UROC1: variants seen among roughly 807,000 people sequenced by gnomAD.
The protein encoded by UROC1 is urocanate hydratase.
Under a neutral mutation model 89.5 loss-of-function variants are expected in UROC1, and 79 were observed. That is an observed-to-expected ratio of 0.88 (90% CI 0.74 to 1.06). The LOEUF is 1.06. Among genes scored for constraint, UROC1 ranks in the 50% least tolerant of loss-of-function variants. UROC1 has a pLI of 0.00. For missense variants in UROC1, 885 were observed against 907.8 expected, an observed-to-expected ratio of 0.97 and a Z score of 0.32; for synonymous variants, 361 against 354.8, an observed-to-expected ratio of 1.02 and a Z score of -0.20.
chr3:126,495,929 G>T, intron 15 of UROC1, 109 bp downstream of exon 15: 1 of 1,108,352 alleles, frequency 9.0e-7, no homozygotes, highest in Non-Finnish European at 1.3e-6. Flanking sequence ...TCAGGGCTTG[G>T]CAAGCTGGAG....
Position 126,498,078 on chromosome 3 carries a change from CAG to C in UROC1, c.1409_1410del (p.Ser470CysfsTer8). ...DLAVTDELAT[S>X]VLEEAIADGV... is the part of the protein sequence containing the mutation. ...CCATCAGCAATGGCTTCCTCCAGCA[CAG>C]ATGTGGCCAGTTCGTCTGTGACCGC... is the stretch of plus-strand genomic sequence containing the variant. On this transcript the variant is annotated frameshift_variant, in exon 14 of 20. Transcript: ENST00000290868. LOFTEE classifies it high-confidence loss of function. The C allele has an allele frequency of 6.2e-7, 1 of 1,614,146 alleles. No individual in the cohort carries two copies.
chr3:126,513,129 G>C (rs1936228868), intron 1 of UROC1, among the ~76,000 whole-genome samples: 1 of 145,464 alleles, frequency 6.9e-6, no homozygotes, highest in South Asian at 2.2e-4. Flanking sequence ...TCAGCCCACA[G>C]AGCAGGGTGT....
At position 126,508,085 on chromosome 3, in the gene UROC1, G is replaced by A; in HGVS notation, c.422C>T (p.Thr141Ile). 1.9e-6 allele frequency: 3 copies of A among 1,613,868 alleles called. No individual in the cohort carries two copies. The highest frequency in any genetic ancestry group is 2.5e-6 in the Non-Finnish European group (3 of 1,180,010). The change falls in exon 5 of 20, where the codon ACC (threonine) becomes ATC (isoleucine). Residue 141 changes from threonine to isoleucine, a missense_variant. Coordinates refer to ENST00000290868, the MANE Select transcript of UROC1 (RefSeq NM_144639.3). ...VFSNWAQFWL[T>I]MFYLSKMTEE... ...TGTCATCTTCGACAAGTAGAACATG[G>A]TCAGCCAGAACTGGGGGAAGAGCAG...
Position 126,500,724 on chromosome 3 carries a change from A to C in UROC1, c.1116T>G (p.Pro372=). 6.2e-7 allele frequency: 1 copy of C among 1,614,080 alleles called. No individual in the cohort carries two copies. Among genetic ancestry groups the C allele is most frequent in the Non-Finnish European group, 8.5e-7 (1 of 1,180,018 alleles). ...CCTGGACCAGGTCCTTGAACACAGCAGGGTTGGAGGCCATGAGGCTCTGGG... is the reference window on the plus strand; with the variant it reads ...CCTGGACCAGGTCCTTGAACACAGCCGGGTTGGAGGCCATGAGGCTCTGGG... ...TEAQSLMASN[P]AVFKDLVQES... The change falls in exon 11 of 20, where the codon CCT becomes CCG. Residue 372 remains proline, a synonymous_variant. Transcript: ENST00000290868.
intron 18 of UROC1, among the ~76,000 whole-genome samples, chr3:126,487,376 G>T (rs1257294939): frequency 6.6e-6 from 1 of 152,252 alleles, no homozygotes; most frequent in Non-Finnish European, 1.5e-5. Context: ...TATAGCCCCT[G>T]TGTTGGAAAG....
In UROC1 at chr3:126,496,077, G is replaced by A. The variant is rs767173592; in HGVS notation, c.1470C>T (p.Asp490=). ...VKVSVKLQYM[D]NIRWIREAAR... is the part of the protein sequence containing the mutation. Reference sequence around the variant, plus strand: ...CGGCCTCCCGGATCCAGCGGATGTTGTCCATGTACTGCAGCTTCACAGACA... The same window carrying A: ...CGGCCTCCCGGATCCAGCGGATGTTATCCATGTACTGCAGCTTCACAGACA... Residue 490 remains aspartate (D), a synonymous_variant, in exon 15 of 20, where the codon GAC becomes GAT. Coordinates refer to ENST00000290868, the MANE Select transcript of UROC1 (RefSeq NM_144639.3). 1.5e-5 allele frequency: 25 copies of A among 1,613,314 alleles called. 1 individual carries two copies. In the South Asian group the frequency reaches 2.7e-4, roughly 18 times the overall value.
chr3:126,491,705 G>A (rs1016386482), intron 16 of UROC1, among the ~76,000 whole-genome samples: 2 of 152,220 alleles, frequency 1.3e-5, no homozygotes, highest in Non-Finnish European at 2.9e-5. Flanking sequence ...AGAGCCCCTC[G>A]GAGCAAGCAT....
At chr3:126,507,026 C>A (rs1936077573) in intron 6 of UROC1, among the ~76,000 whole-genome samples, 1 of 152,054 alleles carries the variant, frequency 6.6e-6, no homozygotes, top group South Asian at 2.1e-4. Flanking sequence ...TTGCAGTGAG[C>A]CGAGATCACA....
intron 10 of UROC1, 73 bp from the exon 11 acceptor site, chr3:126,500,947 G>A (rs1307774654): frequency 7.6e-6 from 12 of 1,577,832 alleles, no homozygotes; most frequent in Admixed American, 1.7e-5. Context: ...AGCCAGGTGG[G>A]GACCCTAGCA....
At chr3:126,499,959 TG>T in intron 12 of UROC1, 97 bp downstream of exon 12, 1 of 1,225,888 alleles carries the variant, frequency 8.2e-7, no homozygotes, top group Non-Finnish European at 1.2e-6. Flanking sequence ...GGGCCACCCA[TG>T]GCACCTCCGA....
rs1576729891 is a variant in UROC1, at chr3:126,509,784, G to A, written c.258-106C>T. On this transcript the variant is annotated intron_variant, in intron 2 of 19. Transcript: ENST00000290868. ...GCTCAGGCAAGGATAGCCGGACACGGGGCCTGCAGAACTAGCTAGGAACGT... is the reference window on the plus strand; with the variant it reads ...GCTCAGGCAAGGATAGCCGGACACGAGGCCTGCAGAACTAGCTAGGAACGT... 3.9e-5 allele frequency: 42 copies of A among 1,067,410 alleles called. No individual in the cohort carries two copies. In the East Asian group the frequency reaches 1.1e-3, roughly 27 times the overall value. The allele number at this position is 1,067,410 out of a possible 1,614,324, so 66.1% of individuals were successfully genotyped here.
At chr3:126,507,828 A>C in intron 5 of UROC1, 25 bp from the exon 6 acceptor site, 4 of 1,614,048 alleles carry the variant, frequency 2.5e-6, no homozygotes, top group Non-Finnish European at 3.4e-6. Context: ...GGGGGCAGAC[A>C]GAGGGGCTGA....
Position 126,504,184 on chromosome 3 carries a change from G to A in UROC1, c.814-101C>T, listed in dbSNP as rs560798754. The stretch of plus-strand genomic sequence containing the variant: ...ACTAGGAAGGTGTCATCCCCTGTAG[G>A]TCCCTTGCTTTTCTATAACACAGTC... On this transcript the variant is annotated intron_variant, in intron 8 of 19. Coordinates refer to ENST00000290868, the MANE Select transcript of UROC1 (RefSeq NM_144639.3). 1.1e-5 allele frequency: 13 copies of A among 1,209,436 alleles called. No homozygotes were observed. In the Admixed American group the frequency reaches 2.2e-4, roughly 20 times the overall value. The allele number at this position is 1,209,436 out of a possible 1,614,324, so 74.9% of individuals were successfully genotyped here.
chr3:126,498,397 G>A (rs1334565686), intron 13 of UROC1, among the ~76,000 whole-genome samples: 1 of 152,170 alleles, frequency 6.6e-6, no homozygotes, highest in Non-Finnish European at 1.5e-5. Context: ...TCTAGCTACA[G>A]GAGTGGGGAG....
chr3:126,509,494 T>C (rs1282070241), intron 3 of UROC1, 91 bp downstream of exon 3: 3 of 1,231,942 alleles, frequency 2.4e-6, no homozygotes, highest in Non-Finnish European at 3.5e-6. Context: ...TCTATAATTA[T>C]CTCAAAATTA....
chr3:126,500,109 C>T lies in UROC1; in HGVS notation c.1191G>A (p.Lys397=), dbSNP rs1194054340. ...CATTGCCGTAGTCCCAGAAGAAGAA[C>T]TTCTCCTCGGCCAACCTGTTGATGG... ...VSAINRLAEE[K]FFFWDYGNAF... The change falls in exon 12 of 20, where the codon AAG becomes AAA. Residue 397 remains lysine (K), a synonymous_variant. Transcript: ENST00000290868. The T allele has an allele frequency of 6.2e-7, 1 of 1,613,796 alleles. No individual in the cohort carries two copies. Among genetic ancestry groups the T allele is most frequent in the Non-Finnish European group, 8.5e-7 (1 of 1,179,986 alleles).
chr3:126,481,208 G>T lies in UROC1; in HGVS notation c.*1137C>A, dbSNP rs987737148. On this transcript the variant is annotated 3_prime_UTR_variant, in exon 20 of 20. Coordinates refer to ENST00000290868, the MANE Select transcript of UROC1 (RefSeq NM_144639.3). ...TTAGAAAAACGACGGCTCTCAAGAA[G>T]CCCTGCCCCACAGACCCCACCCTCA... 1.3e-5 allele frequency: 2 copies of T among 151,970 alleles called. No individual in the cohort carries two copies. Among genetic ancestry groups the T allele is most frequent in the East Asian group, 3.9e-4 (2 of 5,194 alleles). 9.4% of individuals were successfully genotyped at this position (151,970 alleles called of 1,614,324 possible).
chr3:126,488,294 A>G lies in UROC1; in HGVS notation c.1709-15T>C. 6.2e-7 allele frequency: 1 copy of G among 1,614,108 alleles called. No homozygotes were observed. The highest frequency in any genetic ancestry group is 8.5e-7 in the Non-Finnish European group (1 of 1,179,976). The stretch of plus-strand genomic sequence containing the variant: ...CACAGCCATGTCTGCGGAAATAGAG[A>G]CGCCTCTGCTCATCACCCCCTGCAC... On this transcript the variant is annotated splice_polypyrimidine_tract_variant and intron_variant, in intron 17 of 19. Coordinates refer to ENST00000290868, the MANE Select transcript of UROC1 (RefSeq NM_144639.3).
Position 126,482,137 on chromosome 3 carries a change from T to C in UROC1, c.*208A>G. 1.5e-6 allele frequency: 1 copy of C among 682,488 alleles called. No individual in the cohort carries two copies. The highest frequency in any genetic ancestry group is 2.4e-6 in the Non-Finnish European group (1 of 411,770). 42.3% of individuals were successfully genotyped at this position (682,488 alleles called of 1,614,324 possible). On this transcript the variant is annotated 3_prime_UTR_variant, in exon 20 of 20. Transcript: ENST00000290868. Reference sequence around the variant, plus strand: ...GGCTCCCATGCAAGTGGCATGGTTGTGGACAGAGAGCTGCATGTCTCTGGG... The same window carrying C: ...GGCTCCCATGCAAGTGGCATGGTTGCGGACAGAGAGCTGCATGTCTCTGGG...
Sources: allele counts gnomAD v4.1 joint callset (sites outside exome capture counted in the v4.1 genomes callset), GRCh38; gene constraint gnomAD v4.1.1; transcripts MANE v1.5; gene names NCBI Gene and HGNC (gene_info 2026-07-23, HGNC 2026-07-21).